The following SLC41A3 variants were observed in gnomAD, a reference collection of about 807,000 sequenced individuals.
The protein encoded by SLC41A3 is SLC41A1-like 2.
A neutral mutation model predicts 45.4 loss-of-function variants in SLC41A3; 44 were observed. The ratio of observed to expected loss-of-function variants is 0.97; its 90% CI spans 0.76 to 1.25. The LOEUF (loss-of-function observed/expected upper bound fraction) is 1.25. SLC41A3 is among the 50% of genes most tolerant of loss of function. The pLI, the probability that SLC41A3 is intolerant of heterozygous loss-of-function variation, is 0.00. For missense variants in SLC41A3, 550 were observed against 600.6 expected, an observed-to-expected ratio of 0.92 and a Z score of 0.88; for synonymous variants, 256 against 252.4, an observed-to-expected ratio of 1.01 and a Z score of -0.13.
Position 126,056,353 on chromosome 3 carries a change from C to G in SLC41A3, c.274-5303G>C, listed in dbSNP as rs370926893. 7.6e-5 allele frequency: 122 copies of G among 1,613,514 alleles called. No individual in the cohort carries two copies. In the South Asian group the frequency reaches 1.2e-3, roughly 16 times the overall value. Reference sequence around the variant, plus strand: ...CCCCTGATCCCCCAAACACCCAGTACGCACTTGAATGGTGTTCATCACCAG... The same window carrying G: ...CCCCTGATCCCCCAAACACCCAGTAGGCACTTGAATGGTGTTCATCACCAG... On this transcript the variant is annotated intron_variant, in intron 2 of 10. Transcript: ENST00000360370.
intron 2 of SLC41A3, among the ~76,000 whole-genome samples, chr3:126,065,193 C>T (rs1397767412): frequency 6.6e-6 from 1 of 152,236 alleles, no homozygotes; most frequent in African/African-American, 2.4e-5. Flanking sequence ...AGAATGCATC[C>T]TGGCCAGCAC....
chr3:126,090,028 C>CTTTTTTTTT (rs59737864), intron 1 of SLC41A3, among the ~76,000 whole-genome samples: 24 of 99,322 alleles, frequency 2.4e-4, no homozygotes, highest in East Asian at 9.8e-4. Context: ...TCAAGAAAAT[C>CTTTTTTTTT]TTTTTTTTTT....
Position 126,067,917 on chromosome 3 carries a change from G to A in SLC41A3, c.273+30C>T, listed in dbSNP as rs4308226. On this transcript the variant is annotated intron_variant, in intron 2 of 10. Transcript: ENST00000360370. ...TATAGGTGATGTTCGGCAGTGCCCC[G>A]CTCCCTGTCCCCATTTAGTTCCCTC... The A allele has an allele frequency of 0.68, 1,056,200 of 1,549,370 alleles. 361,523 individuals carry two copies. Among genetic ancestry groups the A allele is most frequent in the Admixed American group, 0.74 (37,776 of 51,394 alleles).
chr3:126,041,918 C>T (rs1206793091), intron 3 of SLC41A3, among the ~76,000 whole-genome samples: 1 of 152,158 alleles, frequency 6.6e-6, no homozygotes, highest in African/African-American at 2.4e-5. Context: ...CACCCTCAAA[C>T]CAGTAGGGAA....
At position 126,008,634 on chromosome 3, in the gene SLC41A3, C is replaced by T. The variant is rs572413637; in HGVS notation, c.1254+98G>A. The T allele has an allele frequency of 3.9e-6, 6 of 1,547,616 alleles. No individual in the cohort carries two copies. The African/African-American group carries it at 6.8e-5, about 18-fold the overall frequency. On this transcript the variant is annotated intron_variant, in intron 10 of 10. Coordinates refer to ENST00000360370, the MANE Select transcript of SLC41A3 (RefSeq NM_017836.4). ...GGACTGTGCCCCACACGTCCAGCCACCCCCACCCGCCTCCCTCAGCCTCTC... is the reference window on the plus strand; with the variant it reads ...GGACTGTGCCCCACACGTCCAGCCATCCCCACCCGCCTCCCTCAGCCTCTC...
intron 3 of SLC41A3, among the ~76,000 whole-genome samples, chr3:126,037,565 T>A (rs757610948): frequency 1.3e-5 from 2 of 152,262 alleles, no homozygotes; most frequent in Admixed American, 6.5e-5. Context: ...AGGAGTGCTG[T>A]CTTAGGGTAT....
rs148833381 is a variant in SLC41A3, at chr3:126,078,392, A to G, written c.-28+5701T>C. 2.0e-5 allele frequency among the ~76,000 whole-genome samples: 3 copies of G among 152,216 alleles called. No homozygotes were observed. In the East Asian group the frequency reaches 5.8e-4, roughly 30 times the overall value. On this transcript the variant is annotated intron_variant, in intron 1 of 10. Transcript: ENST00000360370. ...AGACAGCTAGTGGAGAAGAAAGGAG[A>G]GGAGGAGGACTTGGACCCTGCCCAC...
chr3:126,044,922 A>AAAAAAAAAAC (rs1942862916), intron 3 of SLC41A3, among the ~76,000 whole-genome samples: 1 of 142,058 alleles, frequency 7.0e-6, no homozygotes, highest in Non-Finnish European at 1.5e-5. Flanking sequence ...AAAAAAAAAA[A>AAAAAAAAAAC]AATCATACAG....
At chr3:126,057,795 C>G (rs1225191315) in intron 2 of SLC41A3, 1 of 152,276 alleles carries the variant, frequency 6.6e-6, no homozygotes, top group Non-Finnish European at 1.5e-5. Context: ...CCTTCATTTA[C>G]TCATTCATTC....
chr3:126,025,160 G>C (rs975869721), intron 5 of SLC41A3: 1 of 152,192 alleles, frequency 6.6e-6, no homozygotes, highest in African/African-American at 2.4e-5. Context: ...ACTACACCGT[G>C]CCAGGCACAC....
intron 2 of SLC41A3, among the ~76,000 whole-genome samples, chr3:126,063,357 G>C (rs574216725): frequency 1.3e-5 from 2 of 152,124 alleles, no homozygotes; most frequent in Admixed American, 6.5e-5. Context: ...GGCCATTCAC[G>C]GTGGGAGCTA....
intron 3 of SLC41A3, among the ~76,000 whole-genome samples, chr3:126,047,197 T>C (rs969262061): frequency 2.0e-5 from 3 of 152,026 alleles, no homozygotes; most frequent in African/African-American, 7.2e-5. Context: ...ACCCTGTCTC[T>C]ACAAAAAATA....
rs57184667 is a variant in SLC41A3 at position 126,095,288 on chromosome 3, C to G, written c.-79+6141G>C. 5.4e-4 allele frequency: 363 copies of G among 673,456 alleles called. 1 individual carries two copies. In the African/African-American group the frequency reaches 6.0e-3, roughly 11 times the overall value. The allele number at this position is 673,456 out of a possible 1,614,324, so 41.7% of individuals were successfully genotyped here. A position where few individuals can be genotyped will look rare whatever the true frequency, so the allele number is the denominator to read the frequency against. On this transcript the variant is annotated intron_variant, in intron 1 of 9. Transcript: ENST00000508835. The stretch of plus-strand genomic sequence containing the variant: ...ATTCCAGGAGGATCCCAAGGACCCC[C>G]TGTTGCAGCCGTGTTGAGGCTGATG...
At chr3:126,040,431 T>C (rs1942511690) in intron 3 of SLC41A3, among the ~76,000 whole-genome samples, 1 of 152,136 alleles carries the variant, frequency 6.6e-6, no homozygotes, top group Admixed American at 6.5e-5. Context: ...AATTCATAAC[T>C]GAAAACGACA....
intron 9 of SLC41A3, 46 bp from the exon 10 acceptor site, chr3:126,008,926 C>T: frequency 1.2e-6 from 2 of 1,605,274 alleles, no homozygotes; most frequent in Non-Finnish European, 1.7e-6. Flanking sequence ...GAAGCGAGGC[C>T]ACTTTGGCAT....
chr3:126,056,770 C>T (rs528742956), intron 2 of SLC41A3: 46 of 1,385,828 alleles, frequency 3.3e-5, no homozygotes, highest in Middle Eastern at 5.4e-4. Context: ...GTGTGACTCA[C>T]GGCCTCATTA....
Position 126,009,528 on chromosome 3 carries a change from T to C in SLC41A3, c.1106-648A>G, listed in dbSNP as rs1433557885. ...GACCCTGGCCCTACCACAAATACTT[T>C]TTAAAATTCTAACATGAATATGATT... On this transcript the variant is annotated intron_variant, in intron 9 of 10. Coordinates refer to ENST00000360370, the MANE Select transcript of SLC41A3 (RefSeq NM_017836.4). Among the ~76,000 whole-genome samples, 2 of 152,202 alleles carry C rather than the reference T, an allele frequency of 1.3e-5. 1 individual carries two copies. Among genetic ancestry groups the C allele is most frequent in the Admixed American group, 1.3e-4 (2 of 15,278 alleles).
intron 1 of SLC41A3, among the ~76,000 whole-genome samples, chr3:126,082,458 AC>A (rs1445339333): frequency 6.6e-6 from 1 of 152,130 alleles, no homozygotes; most frequent in East Asian, 1.9e-4. Context: ...AGGCCGAGAA[AC>A]CCTGCTATGG....
At chr3:126,015,873 A>C (rs1051273367) in intron 7 of SLC41A3, among the ~76,000 whole-genome samples, 2 of 152,222 alleles carry the variant, frequency 1.3e-5, no homozygotes, top group Admixed American at 1.3e-4. Flanking sequence ...GGCTGTCCCA[A>C]GACTCCGGCA....
Sources: allele counts gnomAD v4.1 joint callset (sites outside exome capture counted in the v4.1 genomes callset), GRCh38; gene constraint gnomAD v4.1.1; transcripts MANE v1.5; gene names NCBI Gene and HGNC (gene_info 2026-07-23, HGNC 2026-07-21).